The following PATJ variants were observed in gnomAD, a reference collection of about 807,000 sequenced individuals.
PATJ encodes PATJ crumbs cell polarity complex component, also known as inaD-like protein.
Under a neutral mutation model 224.9 loss-of-function variants are expected in PATJ, and 190 were observed. The observed-to-expected ratio is 0.84, with a 90% confidence interval of 0.75 to 0.95. The LOEUF is 0.95. Ranked by LOEUF, PATJ falls within the 40% of genes least tolerant of loss-of-function variation. The pLI is 0.00. For missense variants in PATJ, 2,121 were observed against 2,270.3 expected (o/e 0.93, Z 1.34); for synonymous variants, 769 against 820.3 (o/e 0.94, Z 1.07).
chr1:61,843,311 G>A (rs772916099), intron 17 of PATJ, among the ~76,000 whole-genome samples: 45 of 152,144 alleles, frequency 3.0e-4, no homozygotes, highest in Non-Finnish European at 5.9e-4. Context: ...GCTCCCAAAC[G>A]TCCAGGTTTG....
intron 34 of PATJ, among the ~76,000 whole-genome samples, chr1:62,111,152 A>G (rs975141479): frequency 2.6e-5 from 4 of 152,222 alleles, no homozygotes; most frequent in African/African-American, 7.2e-5. Context: ...AATTAAAAGT[A>G]TATTTGTTAG....
intron 32 of PATJ, among the ~76,000 whole-genome samples, chr1:62,081,916 G>A (rs575377239): frequency 3.5e-4 from 54 of 152,242 alleles, no homozygotes; most frequent in African/African-American, 1.1e-3. Context: ...TGCCACTATC[G>A]TACGTCATTT....
At chr1:61,805,717 A>G (rs1170996186) in intron 13 of PATJ, among the ~76,000 whole-genome samples, 193 bp downstream of exon 13, 2 of 152,186 alleles carry the variant, frequency 1.3e-5, no homozygotes, top group African/African-American at 4.8e-5. Context: ...AAGAATAATT[A>G]AGGACTGCAC....
chr1:61,849,443 C>T (rs997814212), intron 17 of PATJ, among the ~76,000 whole-genome samples: 3 of 151,928 alleles, frequency 2.0e-5, no homozygotes, highest in Non-Finnish European at 4.4e-5. Context: ...AAATTAAAAA[C>T]GATTTAGCTG....
chr1:61,965,510 C>G (rs1227243488), intron 27 of PATJ, among the ~76,000 whole-genome samples: 3 of 152,204 alleles, frequency 2.0e-5, no homozygotes, highest in African/African-American at 7.2e-5. Flanking sequence ...AAATGGTTCT[C>G]TAACTCTCAC....
chr1:62,147,707 G>A (rs573273167), intron 41 of PATJ, among the ~76,000 whole-genome samples: 9 of 152,086 alleles, frequency 5.9e-5, no homozygotes, highest in African/African-American at 1.9e-4. Flanking sequence ...GCTGAGGCAG[G>A]AGAATCACTT....
rs1359565706 is a variant in PATJ, at chr1:61,810,878, C to T, written c.1683+2348C>T. Among the ~76,000 whole-genome samples the T allele has an allele frequency of 3.3e-5, 5 of 152,126 alleles. No individual in the cohort carries two copies. In the East Asian group the frequency reaches 7.7e-4, roughly 24 times the overall value. On this transcript the variant is annotated intron_variant, in intron 14 of 43. Transcript: ENST00000642238. ...GGCGGATGTTGCAATGAGCTGAGAT[C>T]GCGCCATTGCATTTCAGCCTGGGCA... is the stretch of plus-strand genomic sequence containing the variant.
Position 61,797,810 on chromosome 1 carries a change from T to C in PATJ, c.1402+382T>C, listed in dbSNP as rs570679183. Among the ~76,000 whole-genome samples, 332 of 145,298 alleles carry C rather than the reference T, an allele frequency of 2.3e-3. 1 individual carries two copies. Among genetic ancestry groups the C allele is most frequent in the African/African-American group, 7.9e-3 (314 of 39,664 alleles). On this transcript the variant is annotated intron_variant, in intron 11 of 43. Transcript: ENST00000642238. The stretch of plus-strand genomic sequence containing the variant: ...TTGCAGACTTCGGGTTTCCTATTAC[T>C]TTTTTTTTTTTTGAGACAGTCTTAC...
chr1:61,943,848 T>G (rs1485476963), intron 27 of PATJ, among the ~76,000 whole-genome samples: 1 of 152,162 alleles, frequency 6.6e-6, no homozygotes, highest in Non-Finnish European at 1.5e-5. Context: ...AGAGGGTGAC[T>G]GACACCTCAT....
chr1:61,786,381 G>GTTGT (rs1002750374), intron 7 of PATJ, among the ~76,000 whole-genome samples: 1 of 151,182 alleles, frequency 6.6e-6, no homozygotes, highest in Non-Finnish European at 1.5e-5. Flanking sequence ...TGTTGTTGTT[G>GTTGT]TTGTTTGTTT....
intron 26 of PATJ, among the ~76,000 whole-genome samples, chr1:61,924,290 C>T (rs1674789847): frequency 2.0e-5 from 3 of 152,134 alleles, no homozygotes; most frequent in Admixed American, 2.0e-4. Context: ...ATTGCTTGAA[C>T]CCGGGAGACA....
chr1:62,000,727 T>A (rs1407401619), intron 28 of PATJ, among the ~76,000 whole-genome samples: 1 of 150,940 alleles, frequency 6.6e-6, no homozygotes, highest in African/African-American at 2.5e-5. Context: ...ATGGGATGGC[T>A]GGGTCAAATG....
chr1:61,802,917 A>G (rs371086458), intron 12 of PATJ, among the ~76,000 whole-genome samples: 1 of 152,034 alleles, frequency 6.6e-6, no homozygotes, highest in Non-Finnish European at 1.5e-5. Context: ...AACACCATCC[A>G]TGTTCCCGAG....
intron 28 of PATJ, among the ~76,000 whole-genome samples, chr1:61,993,682 C>T (rs1645193785): frequency 1.3e-5 from 2 of 152,142 alleles, no homozygotes; most frequent in Admixed American, 1.3e-4. Flanking sequence ...CCTAGCACCC[C>T]TGTTGCTCAG....
chr1:62,106,013 A>G (rs1249277697), intron 33 of PATJ, among the ~76,000 whole-genome samples: 1 of 131,132 alleles, frequency 7.6e-6, no homozygotes, highest in Non-Finnish European at 1.6e-5. Context: ...GCTTGAGCCC[A>G]GGAGTTCTGG....
rs1669934084 is a variant in PATJ at position 62,162,848 on chromosome 1, G to A, written c.*1794G>A. 7.2e-6 allele frequency: 2 copies of A among 278,784 alleles called. No homozygotes were observed. The highest frequency in any genetic ancestry group is 2.3e-5 in the African/African-American group (1 of 43,050). The allele number at this position is 278,784 out of a possible 1,614,324, so 17.3% of individuals were successfully genotyped here. A position where few individuals can be genotyped will look rare whatever the true frequency, so the allele number is the denominator to read the frequency against. On this transcript the variant is annotated 3_prime_UTR_variant, in exon 44 of 44. Transcript: ENST00000642238. ...TGTAATCCCAGCTACTCCGGAGGTTGAAGCAGGAAAATTGCTTGAACCTGG... is the reference window on the plus strand; with the variant it reads ...TGTAATCCCAGCTACTCCGGAGGTTAAAGCAGGAAAATTGCTTGAACCTGG...
intron 33 of PATJ, among the ~76,000 whole-genome samples, chr1:62,085,277 A>G (rs1466125673): frequency 6.6e-6 from 1 of 152,024 alleles, no homozygotes; most frequent in African/African-American, 2.4e-5. Flanking sequence ...ACTTGAGCCC[A>G]GGAGGTCGAG....
At chr1:61,765,066 A>ATTTTTTTTTT in intron 3 of PATJ, among the ~76,000 whole-genome samples, 309 of 24,022 alleles carry the variant, frequency 0.013, 121 homozygotes, top group Admixed American at 0.022. Flanking sequence ...ATTGACATTC[A>ATTTTTTTTTT]TTTTTTTTTT....
At chr1:61,885,712 A>G (rs1231553472) in intron 22 of PATJ, among the ~76,000 whole-genome samples, 2 of 152,022 alleles carry the variant, frequency 1.3e-5, no homozygotes, top group African/African-American at 2.4e-5. Flanking sequence ...ATGCTGCTAT[A>G]AAGACACATG....
Sources: gnomAD v4.1 joint callset for allele counts (sites outside exome capture counted in the v4.1 genomes callset) on GRCh38, gnomAD v4.1.1 for gene constraint, MANE v1.5 for transcripts, NCBI Gene and HGNC (gene_info 2026-07-23, HGNC 2026-07-21) for gene names.